CADM2: variants seen among roughly 807,000 people sequenced by gnomAD.
CADM2 encodes the protein cell adhesion molecule 2, also known as immunoglobulin superfamily member 4D.
A neutral mutation model predicts 49.8 loss-of-function variants in CADM2; 12 were observed. The ratio of observed to expected loss-of-function variants is 0.24; its 90% CI spans 0.15 to 0.39. CADM2 has a LOEUF of 0.39. Among genes scored for constraint, CADM2 ranks in the 10% least tolerant of loss-of-function variants. CADM2 has a pLI of 1.00. For synonymous variants in CADM2, 214 were observed against 175.4 expected (o/e 1.22, Z -1.74); for missense variants, 378 against 492.3 (o/e 0.77, Z 2.20).
At chr3:85,171,309 G>A (rs181337458) in intron 1 of CADM2, among the ~76,000 whole-genome samples, 1 of 152,112 alleles carries the variant, frequency 6.6e-6, no homozygotes, top group Non-Finnish European at 1.5e-5. Flanking sequence ...TCATTGAAAT[G>A]TACCAACTTT....
At chr3:85,945,992 C>T in intron 7 of CADM2, among the ~76,000 whole-genome samples, 1 of 152,098 alleles carries the variant, frequency 6.6e-6, no homozygotes, top group South Asian at 2.1e-4. Context: ...TCAAATTGTC[C>T]CTGTTTGCAG....
At chr3:85,410,986 T>C (rs1301579960) in intron 1 of CADM2, among the ~76,000 whole-genome samples, 1 of 152,222 alleles carries the variant, frequency 6.6e-6, no homozygotes, top group Non-Finnish European at 1.5e-5. Flanking sequence ...AACAACATCC[T>C]ATTCAAAGGA....
intron 1 of CADM2, among the ~76,000 whole-genome samples, chr3:85,044,804 C>CT (rs56232557): frequency 0.14 from 20,517 of 142,200 alleles, 2,591 homozygotes; most frequent in African/African-American, 0.29. Flanking sequence ...TTTTTCTTTT[C>CT]TTTTTTTTTT....
intron 1 of CADM2, among the ~76,000 whole-genome samples, chr3:85,598,723 A>T (rs977196853): frequency 1.3e-5 from 2 of 152,058 alleles, no homozygotes; most frequent in East Asian, 1.9e-4. Flanking sequence ...CAGAAAAAAA[A>T]TTTTAAATTC....
At chr3:85,592,191 A>T (rs2063125685) in intron 1 of CADM2, among the ~76,000 whole-genome samples, 1 of 151,936 alleles carries the variant, frequency 6.6e-6, no homozygotes, top group African/African-American at 2.4e-5. Flanking sequence ...TTGATAAAAC[A>T]TATTATTATC....
intron 1 of CADM2, among the ~76,000 whole-genome samples, chr3:85,385,343 G>A (rs2034160822): frequency 6.6e-6 from 1 of 152,180 alleles, no homozygotes; most frequent in South Asian, 2.1e-4. Context: ...TATGTTGTTT[G>A]GGAGGAGAGT....
intron 3 of CADM2, among the ~76,000 whole-genome samples, chr3:85,882,102 C>T (rs1257781106): frequency 4.6e-5 from 7 of 152,100 alleles, no homozygotes; most frequent in African/African-American, 1.2e-4. Context: ...CTCTAGCTGA[C>T]GAAAAGAGGA....
chr3:85,448,877 C>T (rs923126869), intron 1 of CADM2, among the ~76,000 whole-genome samples: 4 of 151,516 alleles, frequency 2.6e-5, no homozygotes, highest in Admixed American at 2.0e-4. Context: ...GGTGAAACCC[C>T]GCCTCTACTA....
At position 85,296,702 on chromosome 3, in the gene CADM2, T is replaced by C. The variant is rs183613223; in HGVS notation, c.61+337034T>C. 1.9e-3 allele frequency among the ~76,000 whole-genome samples: 287 copies of C among 152,216 alleles called. 1 individual carries two copies. The highest frequency in any genetic ancestry group is 6.5e-3 in the African/African-American group (272 of 41,560). ...TCCAGCTTCATTCTCATTATTCCCT[T>C]TTATTTCTAAGATCTAATCAAATTG... On this transcript the variant is annotated intron_variant, in intron 1 of 9. Transcript: ENST00000383699.
chr3:85,216,335 TATAA>T (rs2041925256), intron 1 of CADM2, among the ~76,000 whole-genome samples: 1 of 147,560 alleles, frequency 6.8e-6, no homozygotes, highest in South Asian at 2.1e-4. Context: ...ATATTTAATG[TATAA>T]ATATATTATT....
chr3:85,975,998 T>C (rs1726728556), intron 8 of CADM2, among the ~76,000 whole-genome samples: 1 of 151,590 alleles, frequency 6.6e-6, no homozygotes, highest in Non-Finnish European at 1.5e-5. Context: ...CATGTCATAT[T>C]AAGCAAATTA....
intron 3 of CADM2, among the ~76,000 whole-genome samples, chr3:85,844,759 T>C (rs191955946): frequency 2.6e-4 from 40 of 151,964 alleles, no homozygotes; most frequent in Non-Finnish European, 4.4e-4. Flanking sequence ...GTAACGAGTG[T>C]ACACACACAC....
chr3:85,372,351 A>ATG (rs201344421), intron 1 of CADM2, among the ~76,000 whole-genome samples: 1,976 of 149,498 alleles, frequency 0.013, 42 homozygotes, highest in African/African-American at 0.046. Context: ...ATATATATAT[A>ATG]TGTGTGTGTG....
chr3:85,428,694 T>C (rs1179609025), intron 1 of CADM2, among the ~76,000 whole-genome samples: 3 of 146,520 alleles, frequency 2.0e-5, no homozygotes, highest in South Asian at 2.1e-4. Flanking sequence ...TATATATATA[T>C]CAGCCTTACT....
intron 1 of CADM2, among the ~76,000 whole-genome samples, chr3:85,137,777 T>C (rs2107621450): frequency 6.6e-6 from 1 of 152,234 alleles, no homozygotes; most frequent in East Asian, 1.9e-4. Flanking sequence ...ATTTTAGACC[T>C]GTAAGCATTT....
intron 1 of CADM2, among the ~76,000 whole-genome samples, chr3:85,552,047 A>G (rs1247307830): frequency 2.6e-5 from 4 of 152,154 alleles, no homozygotes; most frequent in Admixed American, 6.5e-5. Flanking sequence ...ATACAATATA[A>G]TCAATATTCT....
intron 1 of CADM2, among the ~76,000 whole-genome samples, chr3:85,563,407 T>TGG (rs1327958969): frequency 5.0e-5 from 5 of 99,530 alleles, no homozygotes; most frequent in Admixed American, 2.2e-4. Context: ...TTTTTGTGTG[T>TGG]GTGTGGGGGG....
At chr3:85,039,520 T>C (rs537861567) in intron 1 of CADM2, among the ~76,000 whole-genome samples, 1 of 152,314 alleles carries the variant, frequency 6.6e-6, no homozygotes, top group East Asian at 1.9e-4. Context: ...TTCTTAAAGC[T>C]ATGGTATACT....
chr3:85,631,805 T>C (rs1032249811), intron 1 of CADM2, among the ~76,000 whole-genome samples: 2 of 152,114 alleles, frequency 1.3e-5, no homozygotes, highest in Non-Finnish European at 2.9e-5. Context: ...ACAATCAATA[T>C]TTACCAAGTA....
Sources: allele counts gnomAD v4.1 joint callset (sites outside exome capture counted in the v4.1 genomes callset), GRCh38; gene constraint gnomAD v4.1.1; transcripts MANE v1.5; gene names NCBI Gene and HGNC (gene_info 2026-07-23, HGNC 2026-07-21).